L3MBTL4: variants seen among roughly 807,000 people sequenced by gnomAD.
L3MBTL4 encodes the protein lethal(3)malignant brain tumor-like protein 4.
L3MBTL4 carries 70 observed loss-of-function variants against 84.5 expected under a neutral mutation model. The ratio of observed to expected loss-of-function variants is 0.83; its 90% CI spans 0.68 to 1.01. L3MBTL4 has a LOEUF of 1.01. L3MBTL4 is among the 50% of genes least tolerant of loss of function. The pLI is 0.00. For missense variants in L3MBTL4, 715 were observed against 754.8 expected, an observed-to-expected ratio of 0.95 and a Z score of 0.62; for synonymous variants, 274 against 259.8, an observed-to-expected ratio of 1.05 and a Z score of -0.52.
chr18:6,157,963 C>G (rs1226706756), intron 13 of L3MBTL4, among the ~76,000 whole-genome samples: 1 of 152,122 alleles, frequency 6.6e-6, no homozygotes, highest in Non-Finnish European at 1.5e-5. Flanking sequence ...GAGGGTTATT[C>G]TTGGCCTGTG....
At chr18:6,092,250 A>G (rs938720265) in intron 15 of L3MBTL4, among the ~76,000 whole-genome samples, 1 of 152,248 alleles carries the variant, frequency 6.6e-6, no homozygotes, top group South Asian at 2.1e-4. Flanking sequence ...TAACATGTGC[A>G]TGAATAAAAA....
chr18:6,300,960 G>A (rs2050313178), intron 4 of L3MBTL4, among the ~76,000 whole-genome samples: 1 of 152,064 alleles, frequency 6.6e-6, no homozygotes, highest in Admixed American at 6.5e-5. Flanking sequence ...ACAGGCCTGG[G>A]GAGGCGGCAA....
At chr18:5,999,709 C>G (rs564177398) in intron 16 of L3MBTL4, among the ~76,000 whole-genome samples, 10 of 152,198 alleles carry the variant, frequency 6.6e-5, no homozygotes, top group Non-Finnish European at 1.2e-4. Flanking sequence ...GTAAAAAGGG[C>G]CAGAAGCAAC....
chr18:5,961,733 G>A (rs780581233), intron 17 of L3MBTL4, among the ~76,000 whole-genome samples: 1 of 145,404 alleles, frequency 6.9e-6, no homozygotes, highest in Non-Finnish European at 1.5e-5. Flanking sequence ...CTGACACTCT[G>A]GCAGTTCAGG....
chr18:6,325,313 A>G (rs138817083), intron 1 of L3MBTL4, among the ~76,000 whole-genome samples: 15 of 152,334 alleles, frequency 9.8e-5, no homozygotes, highest in African/African-American at 3.6e-4. Flanking sequence ...TATAAATATT[A>G]TCAATAATGT....
chr18:5,983,224 A>G (rs1399681663), intron 16 of L3MBTL4, among the ~76,000 whole-genome samples: 3 of 152,358 alleles, frequency 2.0e-5, no homozygotes, highest in East Asian at 1.9e-4. Flanking sequence ...CCTGTTTTAC[A>G]CTGCTGTGGG....
At chr18:5,974,480 G>A (rs2052803001) in intron 16 of L3MBTL4, among the ~76,000 whole-genome samples, 1 of 152,120 alleles carries the variant, frequency 6.6e-6, no homozygotes, top group African/African-American at 2.4e-5. Context: ...AAGTCCACTG[G>A]TAAGTCTATC....
At chr18:6,357,908 C>T (rs1478956557) in intron 1 of L3MBTL4, among the ~76,000 whole-genome samples, 1 of 152,164 alleles carries the variant, frequency 6.6e-6, no homozygotes, top group Non-Finnish European at 1.5e-5. Flanking sequence ...AACGTAATCT[C>T]ATTATCTCAT....
intron 4 of L3MBTL4, among the ~76,000 whole-genome samples, chr18:6,288,218 A>G (rs936667190): frequency 2.6e-5 from 4 of 152,236 alleles, no homozygotes; most frequent in African/African-American, 9.6e-5. Context: ...TGTGTTTAGA[A>G]TGTGTTTATA....
At chr18:5,982,133 C>A (rs1226181551) in intron 16 of L3MBTL4, among the ~76,000 whole-genome samples, 5 of 152,072 alleles carry the variant, frequency 3.3e-5, no homozygotes, top group African/African-American at 1.2e-4. Flanking sequence ...ATAGAATTAG[C>A]CCCTCTATGT....
intron 16 of L3MBTL4, among the ~76,000 whole-genome samples, chr18:6,041,986 G>C (rs547320695): frequency 6.6e-6 from 1 of 152,156 alleles, no homozygotes; most frequent in East Asian, 1.9e-4. Context: ...GCCTCCCAAA[G>C]TAGTGGGATT....
chr18:6,293,707 T>C (rs1053342375), intron 4 of L3MBTL4, among the ~76,000 whole-genome samples: 2 of 152,204 alleles, frequency 1.3e-5, no homozygotes, highest in African/African-American at 4.8e-5. Flanking sequence ...TCATGTGACA[T>C]CTACTGTGAT....
chr18:6,150,322 T>C (rs781129856), intron 13 of L3MBTL4, among the ~76,000 whole-genome samples: 5 of 152,032 alleles, frequency 3.3e-5, no homozygotes, highest in African/African-American at 4.8e-5. Context: ...GTGTCCATAA[T>C]CCCTTCTCAA....
chr18:6,141,124 A>G (rs2060183474), intron 13 of L3MBTL4, among the ~76,000 whole-genome samples: 1 of 151,012 alleles, frequency 6.6e-6, no homozygotes, highest in South Asian at 2.1e-4. Context: ...ATTTACTGAA[A>G]CTACATACTG....
chr18:6,379,088 A>G lies in L3MBTL4; in HGVS notation c.-91+35713T>C, dbSNP rs547974526. 2.6e-5 allele frequency among the ~76,000 whole-genome samples: 4 copies of G among 152,288 alleles called. No homozygotes were observed. In the South Asian group the frequency reaches 8.3e-4, roughly 32 times the overall value. ...TTTCTTCTCTTACTAGCAATTGTGA[A>G]TAAGAGTTCACTCATGATTTGGCTC... is the stretch of plus-strand genomic sequence containing the variant. On this transcript the variant is annotated intron_variant, in intron 1 of 18. Coordinates refer to ENST00000317931, the MANE Select transcript of L3MBTL4 (RefSeq NM_001330559.2).
rs949379877 is a variant in L3MBTL4 at position 6,285,370 on chromosome 18, A to G, written c.127+16533T>C. Among the ~76,000 whole-genome samples the G allele has an allele frequency of 2.6e-5, 4 of 152,188 alleles. No individual in the cohort carries two copies. In the East Asian group the frequency reaches 7.7e-4, roughly 29 times the overall value. The stretch of plus-strand genomic sequence containing the variant: ...AAATATACAAAGAGGGAGAACTGTT[A>G]CTAGAATGAATCCTGTGGGATGGGA... On this transcript the variant is annotated intron_variant, in intron 4 of 18. Transcript: ENST00000317931.
intron 1 of L3MBTL4, among the ~76,000 whole-genome samples, chr18:6,353,280 C>CA (rs5822892): frequency 0.01 from 1,276 of 123,832 alleles, 7 homozygotes; most frequent in Non-Finnish European, 0.013. Flanking sequence ...ATGATGAAAG[C>CA]AAAAAAAAAA....
At chr18:6,009,333 C>T (rs2054629761) in intron 16 of L3MBTL4, among the ~76,000 whole-genome samples, 1 of 152,154 alleles carries the variant, frequency 6.6e-6, no homozygotes, top group Non-Finnish European at 1.5e-5. Flanking sequence ...GGTCCTCAGG[C>T]AGCAGAGGAC....
At chr18:6,354,271 C>A (rs550802376) in intron 1 of L3MBTL4, among the ~76,000 whole-genome samples, 2 of 152,194 alleles carry the variant, frequency 1.3e-5, no homozygotes, top group South Asian at 4.1e-4. Context: ...TCACCACATA[C>A]AAAAATCACA....
Sources: gnomAD v4.1 joint callset for allele counts (sites outside exome capture counted in the v4.1 genomes callset) on GRCh38, gnomAD v4.1.1 for gene constraint, MANE v1.5 for transcripts, NCBI Gene and HGNC (gene_info 2026-07-23, HGNC 2026-07-21) for gene names.